The following BPI variants were observed in gnomAD, a reference collection of about 807,000 sequenced individuals.
BPI encodes bactericidal permeability increasing protein, also known as bactericidal permeability-increasing protein.
BPI carries 48 observed loss-of-function variants against 57.6 expected under a neutral mutation model. That is an observed-to-expected ratio of 0.83 (90% CI 0.66 to 1.06). The LOEUF (loss-of-function observed/expected upper bound fraction) is 1.06. BPI is among the 50% of genes least tolerant of loss of function. The probability of loss-of-function intolerance (pLI) is 0.00; values close to 1 mark genes in which losing one functional copy is unlikely to be tolerated. For missense variants in BPI, 651 were observed against 609.7 expected, an observed-to-expected ratio of 1.07 and a Z score of -0.71; for synonymous variants, 237 against 238.2, an observed-to-expected ratio of 0.99 and a Z score of 0.05.
chr20:38,320,775 C>T (rs1354080690), intron 7 of BPI, among the ~76,000 whole-genome samples: 1 of 150,808 alleles, frequency 6.6e-6, no homozygotes, highest in African/African-American at 2.4e-5. Flanking sequence ...ACATGTGCAG[C>T]ACCTAGACCA....
chr20:38,310,539 G>T lies in BPI; in HGVS notation c.423G>T (p.Ser141=). Residue 141 remains serine (S), a synonymous_variant, in exon 4 of 15, where the codon TCG becomes TCT. Coordinates refer to ENST00000642449, the MANE Select transcript of BPI (RefSeq NM_001725.3). ...TGAGCATAGAAGGCATGTCCATTTCGGCTGATCTGAAGCTGGGCAGTAACC... is the reference window on the plus strand; with the variant it reads ...TGAGCATAGAAGGCATGTCCATTTCTGCTGATCTGAAGCTGGGCAGTAACC... The part of the protein sequence containing the change: ...FDLSIEGMSI[S]ADLKLGSNPT... 2 of 1,614,126 alleles carry T rather than the reference G, an allele frequency of 1.2e-6. No individual in the cohort carries two copies. The highest frequency in any genetic ancestry group is 2.2e-5 in the East Asian group (1 of 44,892).
intron 6 of BPI, 196 bp from the exon 7 acceptor site, chr20:38,319,987 G>C: frequency 1.7e-6 from 1 of 594,710 alleles, no homozygotes; most frequent in Admixed American, 2.9e-5. Context: ...AGAGAGTAAG[G>C]GGGTGTCTGT....
intron 1 of BPI, among the ~76,000 whole-genome samples, chr20:38,306,397 G>A (rs1419514135): frequency 1.3e-5 from 2 of 152,194 alleles, no homozygotes; most frequent in Admixed American, 1.3e-4. Context: ...AGGGACACAC[G>A]AGTAAATAAA....
At chr20:38,306,800 T>G (rs1486062645) in intron 1 of BPI, among the ~76,000 whole-genome samples, 1 of 152,146 alleles carries the variant, frequency 6.6e-6, no homozygotes, top group Non-Finnish European at 1.5e-5. Flanking sequence ...AGGGGTGATA[T>G]TTTAGACCAG....
intron 10 of BPI, 98 bp downstream of exon 10, chr20:38,326,530 A>G: frequency 1.5e-6 from 2 of 1,359,558 alleles, no homozygotes; most frequent in Non-Finnish European, 2.0e-6. Flanking sequence ...TCTGGATTCA[A>G]ACCTGGACTG....
At chr20:38,312,400 C>T (rs2076626162) in intron 5 of BPI, among the ~76,000 whole-genome samples, 2 of 152,226 alleles carry the variant, frequency 1.3e-5, no homozygotes, top group Non-Finnish European at 2.9e-5. Flanking sequence ...GGAACTAGTA[C>T]AAGAGACGGG....
chr20:38,310,810 C>T (rs2076618430), intron 4 of BPI, among the ~76,000 whole-genome samples, 158 bp downstream of exon 4: 1 of 152,234 alleles, frequency 6.6e-6, no homozygotes, highest in Non-Finnish European at 1.5e-5. Context: ...CACAGATGAA[C>T]CAGACACTGT....
intron 7 of BPI, 95 bp downstream of exon 7, chr20:38,320,369 T>C (rs2122528342): frequency 8.8e-7 from 1 of 1,136,830 alleles, no homozygotes; most frequent in Non-Finnish European, 1.3e-6. Flanking sequence ...CAATGTCCCC[T>C]ACTTCCTATC....
In BPI at chr20:38,319,943, T is replaced by G. The variant is rs542688755; in HGVS notation, c.665-240T>G. 5.6e-6 allele frequency: 3 copies of G among 532,248 alleles called. No homozygotes were observed. In the South Asian group the frequency reaches 7.2e-5, roughly 13 times the overall value. 33.0% of individuals were successfully genotyped at this position (532,248 alleles called of 1,614,324 possible). The stretch of plus-strand genomic sequence containing the variant: ...AGGTCTCTCTGTGCCCTTGACCCTG[T>G]GTCTTAGCGACTCATCTCAGGGCTG... On this transcript the variant is annotated intron_variant, in intron 6 of 14. Transcript: ENST00000642449.
chr20:38,310,679 G>T (rs1485541248), intron 4 of BPI, 27 bp downstream of exon 4: 1 of 1,595,964 alleles, frequency 6.3e-7, no homozygotes, highest in East Asian at 2.3e-5. Context: ...CTGTGGCTGG[G>T]AGGAGGGACT....
chr20:38,307,707 C>T (rs758956303), intron 2 of BPI, 26 bp downstream of exon 2: 7 of 1,561,764 alleles, frequency 4.5e-6, no homozygotes, highest in African/African-American at 4.1e-5. Flanking sequence ...GCTCAATCCT[C>T]GATTTGCAGG....
intron 12 of BPI, 92 bp downstream of exon 12, chr20:38,331,182 C>T: frequency 1.4e-6 from 2 of 1,423,002 alleles, no homozygotes; most frequent in Non-Finnish European, 2.0e-6. Context: ...ATTTAAGAGG[C>T]TACTGGCTCA....
chr20:38,329,778 T>C (rs1301769473), intron 11 of BPI, among the ~76,000 whole-genome samples: 6 of 152,148 alleles, frequency 3.9e-5, no homozygotes, highest in Admixed American at 3.3e-4. Context: ...AGTGGCATGA[T>C]CTCAGCTCAC....
chr20:38,334,146 C>T (rs1390227361), intron 12 of BPI, among the ~76,000 whole-genome samples: 2 of 152,208 alleles, frequency 1.3e-5, no homozygotes, highest in Non-Finnish European at 2.9e-5. Flanking sequence ...CTCTGATGAG[C>T]TTCCTCATGA....
chr20:38,304,594 C>A (rs867838585), intron 1 of BPI, among the ~76,000 whole-genome samples: 1 of 152,218 alleles, frequency 6.6e-6, no homozygotes, highest in Non-Finnish European at 1.5e-5. Flanking sequence ...AGTGCTCAGA[C>A]CCCTGAGGGT....
intron 5 of BPI, among the ~76,000 whole-genome samples, chr20:38,316,515 G>A (rs560505919): frequency 5.9e-5 from 9 of 152,324 alleles, no homozygotes; most frequent in East Asian, 5.8e-4. Flanking sequence ...AGGTGACTCC[G>A]CCTGGGATCC....
intron 10 of BPI, chr20:38,326,664 A>C: frequency 2.2e-6 from 1 of 462,742 alleles, no homozygotes. Flanking sequence ...TCATTCAGTC[A>C]ATTTCTCATT....
At chr20:38,327,532 C>G (rs563886979) in intron 10 of BPI, 56 bp from the exon 11 acceptor site, 3 of 1,596,648 alleles carry the variant, frequency 1.9e-6, no homozygotes, top group Non-Finnish European at 2.6e-6. Flanking sequence ...GGTTTGGAGG[C>G]CTTGCAATCA....
intron 7 of BPI, 91 bp downstream of exon 7, chr20:38,320,365 C>A (rs2076675216): frequency 1.7e-6 from 2 of 1,159,912 alleles, no homozygotes; most frequent in Non-Finnish European, 2.5e-6. Context: ...TTAACAATGT[C>A]CCCTACTTCC....
Sources: gnomAD v4.1 joint callset for allele counts (sites outside exome capture counted in the v4.1 genomes callset) on GRCh38, gnomAD v4.1.1 for gene constraint, MANE v1.5 for transcripts, NCBI Gene and HGNC (gene_info 2026-07-23, HGNC 2026-07-21) for gene names.